The following ZNRF3 variants were observed in gnomAD, a reference collection of about 807,000 sequenced individuals.
The protein encoded by ZNRF3 is zinc and ring finger 3.
In ZNRF3, 23 loss-of-function variants were observed where a neutral mutation model predicts 72.5. That is an observed-to-expected ratio of 0.32 (90% CI 0.23 to 0.45). The LOEUF (loss-of-function observed/expected upper bound fraction) is 0.45, where lower values mean the gene tolerates loss of function less well. ZNRF3 is among the 20% of genes least tolerant of loss of function. The pLI is 1.00. For synonymous variants in ZNRF3, 610 were observed against 545.3 expected (o/e 1.12, Z -1.65); for missense variants, 1,169 against 1,272.1 (o/e 0.92, Z 1.23).
intron 1 of ZNRF3, among the ~76,000 whole-genome samples, chr22:28,888,647 C>T (rs1412993581): frequency 6.6e-6 from 1 of 152,140 alleles, no homozygotes; most frequent in Non-Finnish European, 1.5e-5. Context: ...GTGATGGTTT[C>T]CTCTTATTTA....
intron 1 of ZNRF3, among the ~76,000 whole-genome samples, chr22:28,961,004 T>A (rs569132938): frequency 6.6e-6 from 1 of 152,366 alleles, no homozygotes; most frequent in South Asian, 2.1e-4. Context: ...TATCTCAGTC[T>A]GTTCCTTTTG....
chr22:28,945,044 G>A (rs1017549531), intron 1 of ZNRF3, among the ~76,000 whole-genome samples: 16 of 151,742 alleles, frequency 1.1e-4, no homozygotes, highest in Admixed American at 1.0e-3. Context: ...TGGGCTGCGT[G>A]CAGTGGCTTA....
chr22:28,954,236 G>C (rs1355200451), intron 1 of ZNRF3, among the ~76,000 whole-genome samples: 2 of 152,200 alleles, frequency 1.3e-5, no homozygotes, highest in Non-Finnish European at 2.9e-5. Flanking sequence ...CTAGGTGCTG[G>C]AAGTCTGAGA....
intron 2 of ZNRF3, chr22:29,031,583 G>A: frequency 1.0e-6 from 1 of 985,632 alleles, no homozygotes; most frequent in Non-Finnish European, 1.2e-6. Context: ...TGCCTGGGTG[G>A]TCACTACTAA....
At chr22:28,928,227 C>T (rs1391599232) in intron 1 of ZNRF3, among the ~76,000 whole-genome samples, 1 of 152,100 alleles carries the variant, frequency 6.6e-6, no homozygotes, top group East Asian at 1.9e-4. Flanking sequence ...TTGTGTGTGG[C>T]AAAATGTTAA....
At chr22:28,996,917 A>G (rs1289935213) in intron 2 of ZNRF3, among the ~76,000 whole-genome samples, 1 of 152,074 alleles carries the variant, frequency 6.6e-6, no homozygotes, top group East Asian at 1.9e-4. Context: ...TATTGTGGGG[A>G]TGAGGGGCCT....
At chr22:29,019,903 G>C (rs552732253) in intron 2 of ZNRF3, among the ~76,000 whole-genome samples, 1 of 152,124 alleles carries the variant, frequency 6.6e-6, no homozygotes, top group South Asian at 2.1e-4. Context: ...CTGACTGTAG[G>C]CAGCATTAGC....
Position 29,050,764 on chromosome 22 carries a change from G to T in ZNRF3, c.2583G>T (p.Pro861=). The T allele has an allele frequency of 6.2e-7, 1 of 1,607,186 alleles. No individual in the cohort carries two copies. Among genetic ancestry groups the T allele is most frequent in the South Asian group, 1.1e-5 (1 of 90,338 alleles). Residue 861 remains proline (P), a synonymous_variant, in exon 8 of 9, where the codon CCG becomes CCT. Coordinates refer to ENST00000544604, the MANE Select transcript of ZNRF3 (RefSeq NM_001206998.2). ...SLGSWGGTRG[P]DTPRPHRGLG... ...GCTCCTGGGGTGGGACGCGAGGCCC[G>T]GATACCCCACGGCCCCACAGGGGCC...
intron 1 of ZNRF3, among the ~76,000 whole-genome samples, chr22:28,949,882 A>G (rs2035126305): frequency 6.6e-6 from 1 of 152,108 alleles, no homozygotes; most frequent in Non-Finnish European, 1.5e-5. Flanking sequence ...TCACACAAGT[A>G]TTTTGTCTTG....
chr22:28,925,362 G>T (rs751780456), intron 1 of ZNRF3, among the ~76,000 whole-genome samples: 2 of 152,134 alleles, frequency 1.3e-5, no homozygotes, highest in Non-Finnish European at 2.9e-5. Context: ...TTTCTGTTAG[G>T]TTCTTTTGTT....
intron 1 of ZNRF3, among the ~76,000 whole-genome samples, chr22:28,925,964 A>C (rs2034592954): frequency 6.6e-6 from 1 of 151,754 alleles, no homozygotes; most frequent in South Asian, 2.1e-4. Context: ...ACCAACCCCT[A>C]CCCCATCCCC....
chr22:28,977,211 C>T (rs527747546), intron 1 of ZNRF3, among the ~76,000 whole-genome samples: 27 of 152,334 alleles, frequency 1.8e-4, no homozygotes, highest in African/African-American at 6.5e-4. Context: ...CCACAGTCTT[C>T]AGGCCGTTCC....
chr22:28,997,336 G>T (rs1010761402), intron 2 of ZNRF3, among the ~76,000 whole-genome samples: 5 of 150,794 alleles, frequency 3.3e-5, no homozygotes, highest in African/African-American at 1.2e-4. Flanking sequence ...CCAAACGGGG[G>T]CAATTTTCAC....
At chr22:28,886,705 T>C (rs889592765) in intron 1 of ZNRF3, among the ~76,000 whole-genome samples, 1 of 152,150 alleles carries the variant, frequency 6.6e-6, no homozygotes, top group Non-Finnish European at 1.5e-5. Context: ...ACGCCTGTAG[T>C]CTCAGCATTT....
intron 1 of ZNRF3, among the ~76,000 whole-genome samples, chr22:28,944,754 C>CAAA (rs35578297): frequency 1.1e-5 from 1 of 88,238 alleles, no homozygotes; most frequent in African/African-American, 4.5e-5. Context: ...GACTCCATCT[C>CAAA]AAAAAAAAAA....
chr22:28,974,146 A>G (rs2035627621), intron 1 of ZNRF3, among the ~76,000 whole-genome samples: 1 of 152,006 alleles, frequency 6.6e-6, no homozygotes, highest in Non-Finnish European at 1.5e-5. Context: ...TATTTTTAGT[A>G]GAGACGGAGT....
At chr22:28,915,273 A>G (rs759018017) in intron 1 of ZNRF3, among the ~76,000 whole-genome samples, 3 of 152,172 alleles carry the variant, frequency 2.0e-5, no homozygotes, top group Admixed American at 1.3e-4. Flanking sequence ...TGGTTTTCCT[A>G]TGTTTTCACG....
At chr22:29,018,508 T>C (rs182001401) in intron 2 of ZNRF3, 1 of 157,286 alleles carries the variant, frequency 6.4e-6, no homozygotes, top group East Asian at 1.9e-4. Context: ...GGGTCAGGGC[T>C]AGAGATGAAG....
At chr22:29,023,755 AT>A (rs2036577208) in intron 2 of ZNRF3, among the ~76,000 whole-genome samples, 1 of 152,142 alleles carries the variant, frequency 6.6e-6, no homozygotes, top group Admixed American at 6.5e-5. Flanking sequence ...CCTCTTCTGG[AT>A]TTGGCTCATC....
Sources: gnomAD v4.1 joint callset for allele counts (sites outside exome capture counted in the v4.1 genomes callset) on GRCh38, gnomAD v4.1.1 for gene constraint, MANE v1.5 for transcripts, NCBI Gene and HGNC (gene_info 2026-07-23, HGNC 2026-07-21) for gene names.